The following VNN1 variants were observed in gnomAD, a reference collection of about 807,000 sequenced individuals.
VNN1 encodes the protein vanin 1, also known as pantetheinase.
Under a neutral mutation model 41.9 loss-of-function variants are expected in VNN1, and 29 were observed. That is an observed-to-expected ratio of 0.69 (90% CI 0.52 to 0.94). VNN1 has a LOEUF of 0.94. VNN1 is among the 40% of genes least tolerant of loss of function. The pLI, the probability that VNN1 is intolerant of heterozygous loss-of-function variation, is 0.00. For synonymous variants in VNN1, 233 were observed against 224.4 expected, an observed-to-expected ratio of 1.04 and a Z score of -0.34; for missense variants, 637 against 621.1, an observed-to-expected ratio of 1.03 and a Z score of -0.27.
intron 3 of VNN1, 125 bp from the exon 4 acceptor site, chr6:132,693,440 G>T: frequency 1.9e-6 from 2 of 1,066,822 alleles, no homozygotes. Context: ...TGTTTTCATG[G>T]GAAATGAGTT....
intron 2 of VNN1, among the ~76,000 whole-genome samples, chr6:132,696,671 G>GAAAA (rs1778376731): frequency 9.0e-6 from 1 of 110,688 alleles, no homozygotes; most frequent in African/African-American, 4.8e-5. Flanking sequence ...TTAAAGTACT[G>GAAAA]AAAGAAAAAA....
intron 2 of VNN1, among the ~76,000 whole-genome samples, chr6:132,697,534 T>C (rs73543041): frequency 6.6e-5 from 10 of 152,194 alleles, no homozygotes; most frequent in African/African-American, 2.2e-4. Flanking sequence ...TTGAAAATAA[T>C]ATTTAACATA....
rs766940959 is a variant in VNN1, at chr6:132,693,073, C to G, written c.777G>C (p.Arg259Ser). Residue 259 changes from arginine to serine, a missense_variant, in exon 4 of 7, where the codon AGG (arginine) becomes AGC (serine). Arg to Ser is a moderately radical substitution (Grantham distance 110). Transcript: ENST00000367928. ...GTATGTTGGATGCAAGGAAATTGAC[C>G]CTCATGCCCATAGCCCAAGCTGAGT... Reference protein sequence around the residue: ...EFHSAWAMGMRVNFLASNIHY... With the variant: ...EFHSAWAMGMSVNFLASNIHY... 13 of 1,613,540 alleles carry G rather than the reference C, an allele frequency of 8.1e-6. No individual in the cohort carries two copies. The highest frequency in any genetic ancestry group is 3.3e-5 in the Admixed American group (2 of 59,956).
At position 132,692,100 on chromosome 6, in the gene VNN1, A is replaced by T. The variant is rs980645418; in HGVS notation, c.1188+123T>A. The T allele has an allele frequency of 2.6e-6, 3 of 1,144,328 alleles. No homozygotes were observed. In the African/African-American group the frequency reaches 4.8e-5, roughly 18 times the overall value. 70.9% of individuals were successfully genotyped at this position (1,144,328 alleles called of 1,614,324 possible). ...TCAAATAAACAACAAAATTTTTAGCATACATAAATCCCCAAAAGTGTGATA... is the reference window on the plus strand; with the variant it reads ...TCAAATAAACAACAAAATTTTTAGCTTACATAAATCCCCAAAAGTGTGATA... On this transcript the variant is annotated intron_variant, in intron 5 of 6. Transcript: ENST00000367928.
In VNN1 at chr6:132,693,155, A is replaced by G; in HGVS notation, c.695T>C (p.Ile232Thr). 1.2e-6 allele frequency: 2 copies of G among 1,614,128 alleles called. No individual in the cohort carries two copies. The highest frequency in any genetic ancestry group is 2.2e-5 in the South Asian group (2 of 91,082). The change falls in exon 4 of 7, where the codon ATA becomes ACA. Residue 232 changes from isoleucine (I) to threonine (T), a missense_variant. By Grantham distance (89) the Ile-to-Thr change is moderately conservative (BLOSUM62 -1). Coordinates refer to ENST00000367928, the MANE Select transcript of VNN1 (RefSeq NM_004666.3). ...ATTCATCCAAGCTGTTGGGAATACT[A>G]TGGTGTCCACGTGGAAATCTTTCAC... ...TLVKDFHVDT[I>T]VFPTAWMNVL... is the part of the protein sequence containing the mutation.
intron 2 of VNN1, 85 bp downstream of exon 2, chr6:132,711,624 A>G (rs1049458131): frequency 8.4e-5 from 121 of 1,441,596 alleles, no homozygotes; most frequent in South Asian, 2.5e-4. Flanking sequence ...TTGATCATGG[A>G]TCTATGCAAT....
chr6:132,711,629 T>C, intron 2 of VNN1, 80 bp downstream of exon 2: 1 of 1,500,764 alleles, frequency 6.7e-7, no homozygotes, highest in Non-Finnish European at 9.1e-7. Flanking sequence ...CATGGATCTA[T>C]GCAATGATCA....
At chr6:132,709,551 A>C (rs921000279) in intron 2 of VNN1, among the ~76,000 whole-genome samples, 1 of 151,886 alleles carries the variant, frequency 6.6e-6, no homozygotes, top group Non-Finnish European at 1.5e-5. Context: ...CACACTTGTC[A>C]TCTTCGGGAG....
Position 132,693,975 on chromosome 6 carries a change from G to A in VNN1, c.534+15C>T, listed in dbSNP as rs1213696625. 3 of 1,613,406 alleles carry A rather than the reference G, an allele frequency of 1.9e-6. No individual in the cohort carries two copies. The South Asian group carries it at 3.3e-5, about 18-fold the overall frequency. ...TAGGCATTAACTAATTGGATTATTT[G>A]CAAATTAATTTTACCTTATGGTAGC... On this transcript the variant is annotated intron_variant, in intron 3 of 6. Transcript: ENST00000367928.
chr6:132,686,588 A>G (rs1778212401), intron 5 of VNN1, among the ~76,000 whole-genome samples: 1 of 152,214 alleles, frequency 6.6e-6, no homozygotes, highest in Non-Finnish European at 1.5e-5. Flanking sequence ...GAAGTCTCCA[A>G]AGACACTTAC....
Position 132,694,104 on chromosome 6 carries a change from C to T in VNN1, c.420G>A (p.Gly140=). The T allele has an allele frequency of 6.2e-7, 1 of 1,614,010 alleles. No homozygotes were observed. The highest frequency in any genetic ancestry group is 8.5e-7 in the Non-Finnish European group (1 of 1,180,012). ...CACTGGTATCGCATGGCTTCTTGTC[C>T]CCAATATTTGCCACAACATAGATAG... ...NNSIYVVANI[G]DKKPCDTSDP... The change falls in exon 3 of 7, where the codon GGG becomes GGA. Residue 140 remains glycine (G), a synonymous_variant. Transcript: ENST00000367928.
At chr6:132,698,396 T>C (rs563223307) in intron 2 of VNN1, among the ~76,000 whole-genome samples, 1 of 152,238 alleles carries the variant, frequency 6.6e-6, no homozygotes, top group African/African-American at 2.4e-5. Context: ...ATATTGGACA[T>C]GTGGGCAACT....
intron 5 of VNN1, among the ~76,000 whole-genome samples, chr6:132,691,822 A>G (rs545755964): frequency 4.6e-5 from 7 of 151,984 alleles, no homozygotes; most frequent in African/African-American, 1.7e-4. Context: ...ATATGGTGAA[A>G]CTCTGTCTCT....
At chr6:132,696,144 T>C (rs1778368587) in intron 2 of VNN1, among the ~76,000 whole-genome samples, 1 of 151,936 alleles carries the variant, frequency 6.6e-6, no homozygotes. Flanking sequence ...AATAAAAAGA[T>C]AGAAAACCTA....
At chr6:132,704,057 A>T (rs1778485313) in intron 2 of VNN1, among the ~76,000 whole-genome samples, 2 of 152,176 alleles carry the variant, frequency 1.3e-5, no homozygotes, top group South Asian at 4.1e-4. Flanking sequence ...CAGATATATA[A>T]AGGACATATT....
chr6:132,713,743 T>C (rs1477147859), intron 1 of VNN1, 83 bp downstream of exon 1: 3 of 1,436,972 alleles, frequency 2.1e-6, no homozygotes, highest in Non-Finnish European at 2.9e-6. Context: ...AAAGTGTAAC[T>C]GACCCTGACA....
intron 2 of VNN1, chr6:132,698,907 G>T: frequency 5.0e-6 from 1 of 199,060 alleles, no homozygotes; most frequent in South Asian, 1.1e-4. Context: ...GCACATGATA[G>T]ACAATAGCCT....
intron 1 of VNN1, among the ~76,000 whole-genome samples, chr6:132,712,802 A>G (rs1032518742): frequency 2.6e-5 from 4 of 152,192 alleles, no homozygotes; most frequent in Non-Finnish European, 5.9e-5. Context: ...GATGAAAAAG[A>G]ACATCAGAAC....
In VNN1 at chr6:132,687,414, A is replaced by C. The variant is rs563506177; in HGVS notation, c.1189-2909T>G. On this transcript the variant is annotated intron_variant, in intron 5 of 6. Transcript: ENST00000367928. ...AGGGCACAAGCCCAAAACAAGGAAG[A>C]CGGGGAACAGAAAACAGGAAATCCA... 3.3e-5 allele frequency among the ~76,000 whole-genome samples: 5 copies of C among 152,348 alleles called. No homozygotes were observed. The South Asian group carries it at 1.0e-3, about 32-fold the overall frequency.
Sources: allele counts gnomAD v4.1 joint callset (sites outside exome capture counted in the v4.1 genomes callset), GRCh38; gene constraint gnomAD v4.1.1; transcripts MANE v1.5; gene names NCBI Gene and HGNC (gene_info 2026-07-23, HGNC 2026-07-21).